Variants in MPP7 observed in about 807,000 individuals in gnomAD.
MPP7 encodes MAGUK p55 scaffold protein 7.
In MPP7, 60 loss-of-function variants were observed where a neutral mutation model predicts 76.5. The observed-to-expected ratio is 0.78, with a 90% CI of 0.64 to 0.97. MPP7 has a LOEUF of 0.97. Ranked by LOEUF, MPP7 falls within the 50% of genes least tolerant of loss-of-function variation. The pLI is 0.00. For synonymous variants in MPP7, 237 were observed against 244.5 expected, an observed-to-expected ratio of 0.97 and a Z score of 0.29; for missense variants, 641 against 694.0, an observed-to-expected ratio of 0.92 and a Z score of 0.86.
At chr10:28,184,090 TAAG>T (rs1300543436) in intron 3 of MPP7, among the ~76,000 whole-genome samples, 1 of 150,680 alleles carries the variant, frequency 6.6e-6, no homozygotes, top group Non-Finnish European at 1.5e-5. Flanking sequence ...TGAAGTAAAA[TAAG>T]AAGATATTTA....
intron 1 of MPP7, among the ~76,000 whole-genome samples, chr10:28,246,280 G>C (rs1839432252): frequency 6.6e-6 from 1 of 151,834 alleles, no homozygotes; most frequent in Non-Finnish European, 1.5e-5. Flanking sequence ...TTTGCAGGTT[G>C]AAGTAAGATG....
chr10:28,089,253 G>C (rs903501521), intron 12 of MPP7, among the ~76,000 whole-genome samples: 2 of 152,128 alleles, frequency 1.3e-5, no homozygotes, highest in Non-Finnish European at 2.9e-5. Context: ...TCTCTAGCTT[G>C]AAATATCCTA....
chr10:28,165,763 G>A (rs573397814), intron 3 of MPP7, among the ~76,000 whole-genome samples: 6 of 152,156 alleles, frequency 3.9e-5, no homozygotes, highest in Admixed American at 6.5e-5. Context: ...GGTGGCTCAC[G>A]CCTGAAATCC....
At chr10:28,313,367 G>A (rs144933040) in intron 2 of MPP7, among the ~76,000 whole-genome samples, 15 of 152,204 alleles carry the variant, frequency 9.9e-5, no homozygotes, top group Admixed American at 5.9e-4. Context: ...TTAGCTGGGC[G>A]TGGTGACACA....
At chr10:28,253,796 G>C (rs917932599) in intron 1 of MPP7, among the ~76,000 whole-genome samples, 1 of 151,762 alleles carries the variant, frequency 6.6e-6, no homozygotes, top group Admixed American at 6.6e-5. Flanking sequence ...AGGAGTTCAA[G>C]ACCAGCCTGG....
At chr10:28,167,157 A>G (rs2133850037) in intron 3 of MPP7, among the ~76,000 whole-genome samples, 1 of 152,136 alleles carries the variant, frequency 6.6e-6, no homozygotes, top group Non-Finnish European at 1.5e-5. Flanking sequence ...CTAAAAATAC[A>G]AAAATTAGCC....
At position 28,210,463 on chromosome 10, in the gene MPP7, A is replaced by G. The variant is rs371822197; in HGVS notation, c.38-8192T>C. ...TTTTCTATCAAAAGAGCACTCTCTT[A>G]ATTTCAACTTTCTCATAAATGTATG... On this transcript the variant is annotated intron_variant, in intron 2 of 16. Transcript: ENST00000683449. 5.9e-5 allele frequency among the ~76,000 whole-genome samples: 9 copies of G among 152,286 alleles called. No homozygotes were observed. The South Asian group carries it at 8.3e-4, about 14-fold the overall frequency.
At chr10:28,229,814 G>A (rs1283530507) in intron 2 of MPP7, among the ~76,000 whole-genome samples, 2 of 151,860 alleles carry the variant, frequency 1.3e-5, no homozygotes, top group East Asian at 1.9e-4. Context: ...GCGTGAACCC[G>A]GGAGGCGGAG....
At chr10:28,320,422 C>G (rs144800815) in intron 2 of MPP7, among the ~76,000 whole-genome samples, 110 of 150,948 alleles carry the variant, frequency 7.3e-4, no homozygotes, top group African/African-American at 2.4e-3. Flanking sequence ...TTTTAGCTTG[C>G]CAGGAAAATG....
chr10:28,286,394 C>T (rs1356713990), intron 1 of MPP7, among the ~76,000 whole-genome samples: 2 of 152,022 alleles, frequency 1.3e-5, no homozygotes, highest in African/African-American at 2.4e-5. Flanking sequence ...TCTTTCCTAG[C>T]GTTACTAAAC....
intron 16 of MPP7, among the ~76,000 whole-genome samples, chr10:28,056,239 T>G (rs1165887848): frequency 6.6e-6 from 1 of 151,996 alleles, no homozygotes; most frequent in African/African-American, 2.4e-5. Flanking sequence ...CTCACTACAC[T>G]CTCAGTCTCC....
intron 2 of MPP7, among the ~76,000 whole-genome samples, chr10:28,213,899 A>G (rs1272299605): frequency 6.6e-6 from 1 of 151,920 alleles, no homozygotes; most frequent in Non-Finnish European, 1.5e-5. Context: ...ATTGGTATAC[A>G]TTGTTGGCAA....
At chr10:28,084,115 A>C (rs1852894171) in intron 12 of MPP7, among the ~76,000 whole-genome samples, 1 of 152,232 alleles carries the variant, frequency 6.6e-6, no homozygotes, top group Non-Finnish European at 1.5e-5. Flanking sequence ...TGATCAAAAC[A>C]GACAAGCCAA....
chr10:28,304,193 C>T (rs1195425633), upstream of MPP7, among the ~76,000 whole-genome samples: 1 of 152,168 alleles, frequency 6.6e-6, no homozygotes, highest in Non-Finnish European at 1.5e-5. Flanking sequence ...GCTCTCAGAA[C>T]ACATCCCCCA....
chr10:28,124,271 C>A (rs982508893), intron 7 of MPP7, among the ~76,000 whole-genome samples, 155 bp from the exon 8 acceptor site: 1 of 152,096 alleles, frequency 6.6e-6, no homozygotes, highest in Admixed American at 6.6e-5. Context: ...AGCCTCTATG[C>A]CTCTCCATAG....
intron 12 of MPP7, among the ~76,000 whole-genome samples, chr10:28,070,430 G>C (rs1213204961): frequency 6.6e-6 from 1 of 152,056 alleles, no homozygotes; most frequent in East Asian, 1.9e-4. Flanking sequence ...CAAATAACAA[G>C]CTACCCACAA....
chr10:28,210,768 T>C (rs1457171212), intron 2 of MPP7, among the ~76,000 whole-genome samples: 1 of 152,224 alleles, frequency 6.6e-6, no homozygotes, highest in African/African-American at 2.4e-5. Context: ...TATGAAATTA[T>C]AAAAAGTAAT....
intron 1 of MPP7, among the ~76,000 whole-genome samples, chr10:28,262,185 TTA>T (rs766903338): frequency 0.39 from 23,001 of 59,614 alleles, 5,727 homozygotes; most frequent in Non-Finnish European, 0.47. Flanking sequence ...AATAAATAAA[TTA>T]TATATATATA....
At chr10:28,094,463 G>A (rs1430112035) in intron 11 of MPP7, among the ~76,000 whole-genome samples, 2 of 152,138 alleles carry the variant, frequency 1.3e-5, no homozygotes, top group Non-Finnish European at 2.9e-5. Context: ...TCACAAGGTG[G>A]TTAAGGATTA....
Sources: allele counts gnomAD v4.1 joint callset (sites outside exome capture counted in the v4.1 genomes callset), GRCh38; gene constraint gnomAD v4.1.1; transcripts MANE v1.5; gene names NCBI Gene and HGNC (gene_info 2026-07-23, HGNC 2026-07-21).